Variants in RARB observed in about 807,000 individuals in gnomAD.
RARB encodes HBV-activated protein.
Under a neutral mutation model 51.9 loss-of-function variants are expected in RARB, and 17 were observed. The ratio of observed to expected loss-of-function variants is 0.33; its 90% CI spans 0.22 to 0.49. The LOEUF (loss-of-function observed/expected upper bound fraction) is 0.49, where lower values mean the gene tolerates loss of function less well. Among genes scored for constraint, RARB ranks in the 20% least tolerant of loss-of-function variants. The pLI is 0.99. For synonymous variants in RARB, 215 were observed against 195.4 expected, an observed-to-expected ratio of 1.10 and a Z score of -0.84; for missense variants, 369 against 550.8, an observed-to-expected ratio of 0.67 and a Z score of 3.30.
At chr3:25,237,618 T>C (rs1317672407) in intron 5 of RARB, among the ~76,000 whole-genome samples, 1 of 152,188 alleles carries the variant, frequency 6.6e-6, no homozygotes, top group Non-Finnish European at 1.5e-5. Context: ...TTCACCATTT[T>C]AAAGTGTACA....
rs543867500 is a variant in RARB at position 25,410,525 on chromosome 3, T to C, written c.179-50668T>C. ...AGTGAACTCGCTGAGCCTAGTGACA[T>C]CTGTGTTTCTTTCCCATATACATTT... On this transcript the variant is annotated intron_variant, in intron 5 of 11. Coordinates refer to the RARB transcript ENST00000383772. 1.9e-3 allele frequency among the ~76,000 whole-genome samples: 282 copies of C among 152,366 alleles called. 1 individual carries two copies. The highest frequency in any genetic ancestry group is 2.0e-3 in the Admixed American group (31 of 15,300).
intron 2 of RARB, among the ~76,000 whole-genome samples, chr3:24,871,909 G>T (rs935683938): frequency 7.9e-5 from 12 of 152,174 alleles, no homozygotes; most frequent in Non-Finnish European, 1.5e-4. Flanking sequence ...CAAAATAGAT[G>T]CGGAATCTTA....
chr3:25,272,321 C>T (rs183363518), intron 5 of RARB, among the ~76,000 whole-genome samples: 47 of 152,322 alleles, frequency 3.1e-4, no homozygotes, highest in African/African-American at 1.1e-3. Flanking sequence ...CCATGATCTC[C>T]TTTGGACAAC....
intron 5 of RARB, among the ~76,000 whole-genome samples, chr3:25,260,927 T>C (rs931312588): frequency 6.6e-6 from 1 of 152,094 alleles, no homozygotes; most frequent in Non-Finnish European, 1.5e-5. Flanking sequence ...GCTTAGTAGT[T>C]AGGAAAATAG....
intron 1 of RARB, among the ~76,000 whole-genome samples, chr3:25,459,410 G>A (rs1695062446): frequency 6.6e-6 from 1 of 152,210 alleles, no homozygotes; most frequent in South Asian, 2.1e-4. Context: ...CTGCTAAAAT[G>A]CCGTGTGATG....
intron 2 of RARB, among the ~76,000 whole-genome samples, chr3:24,912,392 C>G (rs572507544): frequency 4.6e-5 from 7 of 152,062 alleles, no homozygotes; most frequent in Non-Finnish European, 7.4e-5. Flanking sequence ...ATGTAATATA[C>G]TTAATACAAT....
intron 5 of RARB, among the ~76,000 whole-genome samples, chr3:25,236,633 G>A (rs1019145452): frequency 5.3e-5 from 8 of 152,002 alleles, no homozygotes; most frequent in Non-Finnish European, 8.8e-5. Context: ...ATATAAAAGC[G>A]CTGGTGCTCC....
chr3:25,021,592 A>G (rs1480046971), intron 2 of RARB, among the ~76,000 whole-genome samples: 2 of 152,192 alleles, frequency 1.3e-5, no homozygotes, highest in African/African-American at 4.8e-5. Flanking sequence ...TATTGCAACC[A>G]GGATAGGAAA....
chr3:25,386,548 G>A (rs1417490149), intron 5 of RARB, among the ~76,000 whole-genome samples: 1 of 152,188 alleles, frequency 6.6e-6, no homozygotes, highest in Non-Finnish European at 1.5e-5. Flanking sequence ...AAAGCATTCA[G>A]GCATGAGATG....
At chr3:25,126,534 G>T (rs893897770) in intron 3 of RARB, among the ~76,000 whole-genome samples, 1 of 151,856 alleles carries the variant, frequency 6.6e-6, no homozygotes, top group Non-Finnish European at 1.5e-5. Context: ...CTGCTAGAAT[G>T]TCTCTTTGCA....
At chr3:24,930,633 A>G (rs1695418763) in intron 2 of RARB, among the ~76,000 whole-genome samples, 1 of 152,110 alleles carries the variant, frequency 6.6e-6, no homozygotes, top group African/African-American at 2.4e-5. Flanking sequence ...AGTGTCTGCT[A>G]TGTGCCCAAC....
intron 2 of RARB, among the ~76,000 whole-genome samples, chr3:25,474,166 C>T (rs1288723557): frequency 6.6e-6 from 1 of 152,104 alleles, no homozygotes; most frequent in Non-Finnish European, 1.5e-5. Context: ...ATTCTAAGTA[C>T]ACAACACCAC....
At chr3:25,217,783 T>G (rs546551073) in intron 5 of RARB, among the ~76,000 whole-genome samples, 3 of 152,298 alleles carry the variant, frequency 2.0e-5, no homozygotes, top group African/African-American at 7.2e-5. Context: ...GAGTAGGCAT[T>G]CAGTACAAGT....
chr3:24,877,345 A>AATTTTTTTTTTTTTTTTTT (rs1559379782), intron 2 of RARB, among the ~76,000 whole-genome samples: 1 of 17,754 alleles, frequency 5.6e-5, no homozygotes, highest in Non-Finnish European at 1.0e-4. Flanking sequence ...AAGCAATCTT[A>AATTTTTTTTTTTTTTTTTT]CTTTTTTTTT....
At chr3:25,215,084 A>G (rs1701794844) in intron 5 of RARB, among the ~76,000 whole-genome samples, 1 of 152,170 alleles carries the variant, frequency 6.6e-6, no homozygotes, top group South Asian at 2.1e-4. Flanking sequence ...AAGTTAGTAA[A>G]AATCCCAGCC....
intron 3 of RARB, among the ~76,000 whole-genome samples, chr3:25,107,498 A>G (rs62230277): frequency 0.15 from 22,556 of 152,220 alleles, 2,195 homozygotes; most frequent in Non-Finnish European, 0.22. Context: ...ACTAAAATTC[A>G]TGCATATATT....
chr3:25,580,101 A>C (rs1701106349), intron 4 of RARB, among the ~76,000 whole-genome samples: 1 of 152,252 alleles, frequency 6.6e-6, no homozygotes, highest in African/African-American at 2.4e-5. Context: ...CCGACCGGAC[A>C]CAGTGGCTCA....
intron 1 of RARB, among the ~76,000 whole-genome samples, chr3:25,455,692 C>CG (rs994912781): frequency 6.6e-6 from 1 of 152,124 alleles, no homozygotes; most frequent in African/African-American, 2.4e-5. Context: ...GTGCTCTGGG[C>CG]GGGGACCCAC....
chr3:25,330,446 T>C (rs937175379), intron 5 of RARB, among the ~76,000 whole-genome samples: 1 of 152,048 alleles, frequency 6.6e-6, no homozygotes, highest in Non-Finnish European at 1.5e-5. Context: ...ATAAAATCCT[T>C]TACAGACAAG....
Sources: gnomAD v4.1 joint callset for allele counts (sites outside exome capture counted in the v4.1 genomes callset) on GRCh38, gnomAD v4.1.1 for gene constraint, MANE v1.5 for transcripts, NCBI Gene and HGNC (gene_info 2026-07-23, HGNC 2026-07-21) for gene names.